The following TRERF1 variants were observed in gnomAD, a reference collection of about 807,000 sequenced individuals.
The protein encoded by TRERF1 is transcriptional-regulating factor 1.
In TRERF1, 27 loss-of-function variants were observed where a neutral mutation model predicts 122.9. The ratio of observed to expected loss-of-function variants is 0.22; its 90% CI spans 0.16 to 0.30. The LOEUF (loss-of-function observed/expected upper bound fraction) is 0.30. Ranked by LOEUF, TRERF1 falls within the 10% of genes least tolerant of loss-of-function variation. TRERF1 has a pLI of 1.00. For synonymous variants in TRERF1, 636 were observed against 641.7 expected, an observed-to-expected ratio of 0.99 and a Z score of 0.13; for missense variants, 1,248 against 1,560.3, an observed-to-expected ratio of 0.80 and a Z score of 3.37.
intron 2 of TRERF1, among the ~76,000 whole-genome samples, chr6:42,417,955 CAGAG>C (rs1392757260): frequency 3.9e-5 from 6 of 152,192 alleles, no homozygotes; most frequent in African/African-American, 1.4e-4. Context: ...GCTCTAATGA[CAGAG>C]AGCAGACTGG....
Position 42,273,961 on chromosome 6 carries a change from C to T in TRERF1, c.-258-4113G>A, listed in dbSNP as rs554114989. ...GTTTGCTTTGTTAAGTCTTCCCAAACTGCTAGGGAAAGGGATTACTTTGCA... is the reference window on the plus strand; with the variant it reads ...GTTTGCTTTGTTAAGTCTTCCCAAATTGCTAGGGAAAGGGATTACTTTGCA... On this transcript the variant is annotated intron_variant, in intron 4 of 17. Coordinates refer to ENST00000372922, the Ensembl canonical transcript of TRERF1. Among the ~76,000 whole-genome samples the T allele has an allele frequency of 4.6e-5, 7 of 152,328 alleles. No individual in the cohort carries two copies. The East Asian group carries it at 1.3e-3, about 29-fold the overall frequency.
chr6:42,252,936 T>G (rs556247148), intron 13 of TRERF1, among the ~76,000 whole-genome samples: 67 of 152,234 alleles, frequency 4.4e-4, no homozygotes, highest in African/African-American at 1.6e-3. Context: ...CTCTATCTCT[T>G]TTGCCTCCAA....
At chr6:42,343,232 C>T (rs543236433) in intron 3 of TRERF1, among the ~76,000 whole-genome samples, 1 of 152,176 alleles carries the variant, frequency 6.6e-6, no homozygotes, top group Non-Finnish European at 1.5e-5. Context: ...GCCAATTTCC[C>T]AGTTACAAAC....
intron 3 of TRERF1, among the ~76,000 whole-genome samples, chr6:42,321,756 C>A (rs1763496441): frequency 6.6e-6 from 1 of 152,154 alleles, no homozygotes; most frequent in South Asian, 2.1e-4. Context: ...TAAAACAAAA[C>A]CCCAAACTCT....
intron 2 of TRERF1, among the ~76,000 whole-genome samples, chr6:42,384,811 T>G (rs924047496): frequency 1.0e-4 from 15 of 146,912 alleles, no homozygotes; most frequent in African/African-American, 1.5e-4. Context: ...GTCTTTTGGG[T>G]TTTTTTTTTT....
chr6:42,334,178 T>C lies in TRERF1; in HGVS notation c.-371+28819A>G, dbSNP rs762932235. ...TCTAAAAATAAAACAAAGAAAACTT[T>C]GGGAAGGCAAGTGGGACCTGGCACC... On this transcript the variant is annotated intron_variant, in intron 3 of 17. Coordinates refer to ENST00000372922, the Ensembl canonical transcript of TRERF1. Among the ~76,000 whole-genome samples the C allele has an allele frequency of 5.6e-4, 85 of 152,168 alleles. 1 individual carries two copies. Among genetic ancestry groups the C allele is most frequent in the Admixed American group, 4.8e-3 (73 of 15,288 alleles).
intron 17 of TRERF1, among the ~76,000 whole-genome samples, chr6:42,230,472 A>G (rs1770305209): frequency 6.6e-6 from 1 of 152,050 alleles, no homozygotes; most frequent in African/African-American, 2.4e-5. Context: ...GTAGCGTTGT[A>G]GCCTGTTTGA....
At chr6:42,274,764 G>A (rs1019223188) in intron 4 of TRERF1, among the ~76,000 whole-genome samples, 32 of 152,144 alleles carry the variant, frequency 2.1e-4, no homozygotes, top group South Asian at 4.2e-4. Context: ...GGAGATAATG[G>A]CAAAACATGT....
rs70987594 is a variant in TRERF1, at chr6:42,422,504, CAAAAAA to C, written c.-454+28667_-454+28672del. ...GGGCAACAGAGCCAGACCCTGTCTC[CAAAAAA>C]AAAAAAAAAAAAAAAATACAAATCT... On this transcript the variant is annotated intron_variant, in intron 2 of 17. Coordinates refer to ENST00000372922, the Ensembl canonical transcript of TRERF1. Among the ~76,000 whole-genome samples, 343 of 120,652 alleles carry C rather than the reference CAAAAAA, an allele frequency of 2.8e-3. 1 individual carries two copies. The highest frequency in any genetic ancestry group is 9.9e-3 in the African/African-American group (281 of 28,328). The allele number at this position is 120,652 out of a possible 152,430, so 79.2% of individuals were successfully genotyped here.
At chr6:42,292,124 T>C (rs890956762) in intron 4 of TRERF1, among the ~76,000 whole-genome samples, 17 of 152,210 alleles carry the variant, frequency 1.1e-4, no homozygotes, top group African/African-American at 3.6e-4. Flanking sequence ...AGGACACATG[T>C]GCTCCCAGGG....
chr6:42,252,133 T>C (rs1439712603), intron 13 of TRERF1, among the ~76,000 whole-genome samples: 1 of 152,232 alleles, frequency 6.6e-6, no homozygotes, highest in Non-Finnish European at 1.5e-5. Context: ...GCAACAGCAC[T>C]TTCCTCTGTG....
chr6:42,261,022 G>A (rs1777743480), intron 8 of TRERF1, among the ~76,000 whole-genome samples: 1 of 146,910 alleles, frequency 6.8e-6, no homozygotes, highest in Non-Finnish European at 1.5e-5. Flanking sequence ...AACTACCCCC[G>A]CCCCCACCCC....
chr6:42,249,368 A>G (rs1340072809), intron 13 of TRERF1, among the ~76,000 whole-genome samples: 1 of 152,082 alleles, frequency 6.6e-6, no homozygotes, highest in Non-Finnish European at 1.5e-5. Flanking sequence ...CAGGCTCATT[A>G]CCTGATTTCT....
At chr6:42,358,923 C>A (rs764567277) in intron 3 of TRERF1, among the ~76,000 whole-genome samples, 12 of 151,950 alleles carry the variant, frequency 7.9e-5, no homozygotes, top group Non-Finnish European at 1.5e-4. Flanking sequence ...TGGTGGCAAG[C>A]CCCAAGTGCA....
chr6:42,245,827 G>A (rs1021495953), intron 14 of TRERF1, among the ~76,000 whole-genome samples: 1 of 152,228 alleles, frequency 6.6e-6, no homozygotes, highest in Admixed American at 6.5e-5. Context: ...ATTATGTACG[G>A]CCAGGCATGC....
At chr6:42,327,432 G>A (rs1764487195) in intron 3 of TRERF1, among the ~76,000 whole-genome samples, 1 of 152,138 alleles carries the variant, frequency 6.6e-6, no homozygotes, top group Non-Finnish European at 1.5e-5. Context: ...TGGAACGTTG[G>A]TTTGCTGATG....
intron 4 of TRERF1, among the ~76,000 whole-genome samples, chr6:42,270,162 G>C (rs974321119): frequency 5.9e-5 from 9 of 152,116 alleles, no homozygotes; most frequent in African/African-American, 2.2e-4. Context: ...CTGCAGCCTA[G>C]GTGACAGCAT....
At chr6:42,243,491 T>A in intron 14 of TRERF1, 130 bp from the exon 15 acceptor site, 1 of 619,302 alleles carries the variant, frequency 1.6e-6, no homozygotes, top group South Asian at 2.0e-5. Context: ...AAAATGTACC[T>A]GGTGAAAGGC....
chr6:42,351,532 GA>G (rs1769440581), intron 3 of TRERF1, among the ~76,000 whole-genome samples: 1 of 152,160 alleles, frequency 6.6e-6, no homozygotes, highest in Non-Finnish European at 1.5e-5. Context: ...ATTTTGTGAA[GA>G]AAAATATATA....
Sources: gnomAD v4.1 joint callset for allele counts (sites outside exome capture counted in the v4.1 genomes callset) on GRCh38, gnomAD v4.1.1 for gene constraint, MANE v1.5 for transcripts, NCBI Gene and HGNC (gene_info 2026-07-23, HGNC 2026-07-21) for gene names.